Variants in SPOCK3 observed in about 807,000 individuals in gnomAD.
SPOCK3 encodes testican-3.
In SPOCK3, 30 loss-of-function variants were observed where a neutral mutation model predicts 56.6. The observed-to-expected ratio is 0.53, with a 90% CI of 0.40 to 0.72. The LOEUF (loss-of-function observed/expected upper bound fraction) is 0.72, where lower values mean the gene tolerates loss of function less well. Among genes scored for constraint, SPOCK3 ranks in the 30% least tolerant of loss-of-function variants. The probability of loss-of-function intolerance (pLI) is 0.00; values close to 1 mark genes in which losing one functional copy is unlikely to be tolerated. For missense variants in SPOCK3, 527 were observed against 530.0 expected, an observed-to-expected ratio of 0.99 and a Z score of 0.06; for synonymous variants, 196 against 183.3, an observed-to-expected ratio of 1.07 and a Z score of -0.56.
chr4:166,764,411 A>G (rs573109139), intron 7 of SPOCK3, among the ~76,000 whole-genome samples: 1 of 152,012 alleles, frequency 6.6e-6, no homozygotes, highest in Non-Finnish European at 1.5e-5. Flanking sequence ...TCATCGTTCA[A>G]TTCCCACCTA....
chr4:166,969,353 C>T (rs1386491420), intron 4 of SPOCK3, among the ~76,000 whole-genome samples: 1 of 152,048 alleles, frequency 6.6e-6, no homozygotes, highest in Non-Finnish European at 1.5e-5. Context: ...TGGCTCTGTG[C>T]CCCCACCCAA....
chr4:167,060,802 A>G (rs1308281510), intron 3 of SPOCK3, among the ~76,000 whole-genome samples: 3 of 152,036 alleles, frequency 2.0e-5, no homozygotes, highest in African/African-American at 7.2e-5. Context: ...CTGAATGTAA[A>G]TCTCCACTCT....
intron 4 of SPOCK3, among the ~76,000 whole-genome samples, chr4:166,985,177 C>A (rs1747010352): frequency 6.6e-6 from 1 of 152,098 alleles, no homozygotes; most frequent in African/African-American, 2.4e-5. Flanking sequence ...TATTTTCTTA[C>A]AGGGTACCTT....
At chr4:167,094,310 T>C (rs1758955761) in intron 2 of SPOCK3, among the ~76,000 whole-genome samples, 1 of 152,136 alleles carries the variant, frequency 6.6e-6, no homozygotes, top group Non-Finnish European at 1.5e-5. Flanking sequence ...TGTTGAGCTC[T>C]TTTCATTGTA....
chr4:166,928,009 C>T lies in SPOCK3; in HGVS notation c.351-15266G>A, dbSNP rs559994748. Among the ~76,000 whole-genome samples the T allele has an allele frequency of 5.3e-5, 8 of 152,212 alleles. No homozygotes were observed. In the South Asian group the frequency reaches 1.5e-3, roughly 28 times the overall value. On this transcript the variant is annotated intron_variant, in intron 4 of 10. Transcript: ENST00000357545. ...TACAGCATATGTTATTCAGGACTCGCAAATTGAAACCATGGGATAGCACTA... is the reference window on the plus strand; with the variant it reads ...TACAGCATATGTTATTCAGGACTCGTAAATTGAAACCATGGGATAGCACTA...
At chr4:166,992,478 C>G (rs1747899014) in intron 4 of SPOCK3, among the ~76,000 whole-genome samples, 1 of 152,006 alleles carries the variant, frequency 6.6e-6, no homozygotes, top group Non-Finnish European at 1.5e-5. Context: ...CTAGAATAAT[C>G]ATTATTCTTA....
chr4:167,231,025 G>A (rs999007941), intron 2 of SPOCK3, among the ~76,000 whole-genome samples: 2 of 152,020 alleles, frequency 1.3e-5, no homozygotes, highest in African/African-American at 2.4e-5. Flanking sequence ...TCAAGAAAAT[G>A]AGCCTCAACG....
chr4:166,926,583 CTTT>C (rs747761388), intron 4 of SPOCK3, among the ~76,000 whole-genome samples: 1 of 151,596 alleles, frequency 6.6e-6, no homozygotes, highest in Non-Finnish European at 1.5e-5. Flanking sequence ...TTTTTGGCTT[CTTT>C]GACAGAATTT....
chr4:167,126,393 C>CA (rs1180606897), intron 2 of SPOCK3, among the ~76,000 whole-genome samples: 3 of 151,864 alleles, frequency 2.0e-5, no homozygotes, highest in East Asian at 1.9e-4. Context: ...ACTAAAAATA[C>CA]AAAAAAATAG....
At chr4:167,046,670 G>A (rs916439297) in intron 3 of SPOCK3, among the ~76,000 whole-genome samples, 7 of 151,362 alleles carry the variant, frequency 4.6e-5, no homozygotes, top group Non-Finnish European at 1.0e-4. Flanking sequence ...GTTGGCCAGG[G>A]TGGTCTCGAA....
chr4:166,858,063 GT>G (rs1470779834), intron 6 of SPOCK3, among the ~76,000 whole-genome samples: 1 of 152,144 alleles, frequency 6.6e-6, no homozygotes, highest in Non-Finnish European at 1.5e-5. Context: ...ACAATATATG[GT>G]TATGTGTATT....
intron 7 of SPOCK3, among the ~76,000 whole-genome samples, chr4:166,768,676 C>G (rs187524373): frequency 2.6e-4 from 40 of 152,218 alleles, no homozygotes; most frequent in Admixed American, 2.3e-3. Flanking sequence ...TGGAGTTGCT[C>G]TTCTTGAGGA....
At chr4:167,230,323 G>A (rs1737029820) in intron 2 of SPOCK3, among the ~76,000 whole-genome samples, 1 of 151,682 alleles carries the variant, frequency 6.6e-6, no homozygotes, top group South Asian at 2.1e-4. Flanking sequence ...AGCCACTCGA[G>A]CTAATAATTC....
intron 2 of SPOCK3, among the ~76,000 whole-genome samples, chr4:167,149,581 C>T (rs929679179): frequency 6.6e-6 from 1 of 152,022 alleles, no homozygotes; most frequent in Non-Finnish European, 1.5e-5. Context: ...TTAATTTATA[C>T]ACTAATATTT....
chr4:167,225,565 T>A (rs1268851894), intron 2 of SPOCK3, among the ~76,000 whole-genome samples: 1 of 152,070 alleles, frequency 6.6e-6, no homozygotes, highest in Non-Finnish European at 1.5e-5. Flanking sequence ...CAAAATTATA[T>A]AATCATCCCT....
At chr4:166,763,872 T>C (rs1737583824) in intron 7 of SPOCK3, among the ~76,000 whole-genome samples, 1 of 152,184 alleles carries the variant, frequency 6.6e-6, no homozygotes, top group Admixed American at 6.6e-5. Context: ...CATCAATTCA[T>C]TATTTCATAA....
rs562403371 is a variant in SPOCK3, at chr4:167,207,984, G to T, written c.189+26001C>A. Among the ~76,000 whole-genome samples, 166 of 152,254 alleles carry T rather than the reference G, an allele frequency of 1.1e-3. No individual in the cohort carries two copies. The Middle Eastern group carries it at 0.034, about 31-fold the overall frequency. On this transcript the variant is annotated intron_variant, in intron 2 of 10. Transcript: ENST00000357545. ...ATGCTAAGCCAAGGAAGCCTGTTGT[G>T]TAAATGGCCTTCTGAGCTTCTCAGG...
intron 7 of SPOCK3, among the ~76,000 whole-genome samples, chr4:166,766,669 C>G (rs1485137265): frequency 2.0e-5 from 3 of 152,108 alleles, no homozygotes; most frequent in African/African-American, 7.2e-5. Context: ...TGTGTCTCTG[C>G]CAGGCTTTGG....
chr4:166,824,715 T>C (rs985992780), intron 6 of SPOCK3, among the ~76,000 whole-genome samples: 2 of 152,072 alleles, frequency 1.3e-5, no homozygotes, highest in Admixed American at 1.3e-4. Flanking sequence ...GATACAAGAA[T>C]AGAAAAATAG....
Sources: allele counts gnomAD v4.1 joint callset (sites outside exome capture counted in the v4.1 genomes callset), GRCh38; gene constraint gnomAD v4.1.1; transcripts MANE v1.5; gene names NCBI Gene and HGNC (gene_info 2026-07-23, HGNC 2026-07-21).